HMGCLL1: variants seen among roughly 807,000 people sequenced by gnomAD.
HMGCLL1 encodes the protein 3-hydroxymethyl-3-methylglutaryl-CoA lyase, cytoplasmic.
A neutral mutation model predicts 39.1 loss-of-function variants in HMGCLL1; 36 were observed. The ratio of observed to expected loss-of-function variants is 0.92; its 90% CI spans 0.71 to 1.22. The LOEUF is 1.22. HMGCLL1 is among the 50% of genes most tolerant of loss of function. HMGCLL1 has a pLI of 0.00. For missense variants in HMGCLL1, 451 were observed against 416.5 expected (o/e 1.08, Z -0.72); for synonymous variants, 149 against 144.0 (o/e 1.03, Z -0.25).
At chr6:55,493,566 GT>G (rs1472628085) in intron 7 of HMGCLL1, among the ~76,000 whole-genome samples, 1 of 152,066 alleles carries the variant, frequency 6.6e-6, no homozygotes. Flanking sequence ...GAATACATTA[GT>G]CTTCTTTTAA....
chr6:55,495,491 T>C lies in HMGCLL1; in HGVS notation c.723A>G (p.Pro241=). The stretch of plus-strand genomic sequence containing the variant: ...GACAGTGAACAGCAAGAGCACCTGG[T>C]GGGATTTCTTTCATCACACTTTCCA... The part of the protein sequence containing the change: ...RMLESVMKEI[P]PGALAVHCHD... Residue 241 remains proline (P), a synonymous_variant, in exon 7 of 9, where the codon CCA becomes CCG. Transcript: ENST00000274901. 6.2e-7 allele frequency: 1 copy of C among 1,614,054 alleles called. No homozygotes were observed. The highest frequency in any genetic ancestry group is 8.5e-7 in the Non-Finnish European group (1 of 1,179,958).
At chr6:55,550,078 T>C (rs1770239900) in intron 1 of HMGCLL1, among the ~76,000 whole-genome samples, 1 of 152,038 alleles carries the variant, frequency 6.6e-6, no homozygotes, top group Admixed American at 6.6e-5. Context: ...TGGTCCCTTA[T>C]ACTTCTTGAT....
chr6:55,571,248 T>C (rs911431715), intron 1 of HMGCLL1, among the ~76,000 whole-genome samples: 1 of 152,222 alleles, frequency 6.6e-6, no homozygotes, highest in Non-Finnish European at 1.5e-5. Context: ...CCTCATCTGT[T>C]AGATGCTTTA....
At chr6:55,513,901 TA>T (rs1767595491) in intron 5 of HMGCLL1, 146 bp downstream of exon 5, 1 of 663,868 alleles carries the variant, frequency 1.5e-6, no homozygotes. Flanking sequence ...GAGATGTAAC[TA>T]TATAGTGATT....
chr6:55,523,496 C>T (rs937148240), intron 3 of HMGCLL1, among the ~76,000 whole-genome samples: 1 of 151,852 alleles, frequency 6.6e-6, no homozygotes, highest in Non-Finnish European at 1.5e-5. Context: ...TAACACATGG[C>T]GATTGGAATA....
At chr6:55,479,254 G>A (rs1200089055) in intron 7 of HMGCLL1, among the ~76,000 whole-genome samples, 1 of 151,450 alleles carries the variant, frequency 6.6e-6, no homozygotes, top group Non-Finnish European at 1.5e-5. Flanking sequence ...TTAACTGTCA[G>A]GCAGTCTAGT....
At chr6:55,646,891 C>A in the HMGCLL1 span, among the ~76,000 whole-genome samples, 1 of 151,898 alleles carries the variant, frequency 6.6e-6, no homozygotes, top group African/African-American at 2.4e-5. Flanking sequence ...TGATAATATT[C>A]ATTAGTTCCA....
At chr6:55,668,474 C>T in the HMGCLL1 span, among the ~76,000 whole-genome samples, 321 of 151,970 alleles carry the variant, frequency 2.1e-3, 1 homozygote, top group African/African-American at 7.3e-3. Flanking sequence ...GTAAACACAT[C>T]ACATCCCATC....
intron 5 of HMGCLL1, among the ~76,000 whole-genome samples, chr6:55,511,315 G>A (rs1213216225): frequency 6.6e-6 from 1 of 151,962 alleles, no homozygotes; most frequent in African/African-American, 2.4e-5. Context: ...CACTGATTTG[G>A]CATGGTATCT....
At chr6:55,453,773 ATTG>A (rs1764204923) in intron 7 of HMGCLL1, among the ~76,000 whole-genome samples, 1 of 152,214 alleles carries the variant, frequency 6.6e-6, no homozygotes, top group South Asian at 2.1e-4. Context: ...AAGGAAAAAG[ATTG>A]TTGTTAAGGA....
the HMGCLL1 span, among the ~76,000 whole-genome samples, chr6:55,586,979 C>A: frequency 6.6e-6 from 1 of 152,180 alleles, no homozygotes; most frequent in East Asian, 1.9e-4. Flanking sequence ...ACACTGACTT[C>A]CACAATCATT....
At chr6:55,510,337 C>A (rs1335233141) in intron 5 of HMGCLL1, among the ~76,000 whole-genome samples, 4 of 151,738 alleles carry the variant, frequency 2.6e-5, no homozygotes, top group African/African-American at 4.8e-5. Context: ...AAGACACATG[C>A]ACACGTATGT....
At chr6:55,537,621 G>A (rs143782920) in intron 3 of HMGCLL1, among the ~76,000 whole-genome samples, 1 of 152,222 alleles carries the variant, frequency 6.6e-6, no homozygotes, top group Non-Finnish European at 1.5e-5. Flanking sequence ...TTTGGACTGT[G>A]GGCATTCACA....
intron 7 of HMGCLL1, among the ~76,000 whole-genome samples, chr6:55,481,234 C>G (rs1368999647): frequency 6.6e-6 from 1 of 151,722 alleles, no homozygotes; most frequent in Non-Finnish European, 1.5e-5. Flanking sequence ...CAAAAATTAT[C>G]TAGGTATGGT....
At chr6:55,450,762 A>T (rs987877639) in intron 7 of HMGCLL1, among the ~76,000 whole-genome samples, 1 of 152,210 alleles carries the variant, frequency 6.6e-6, no homozygotes, top group African/African-American at 2.4e-5. Context: ...ATTAACAAAG[A>T]AAAAATCTTA....
the HMGCLL1 span, among the ~76,000 whole-genome samples, chr6:55,674,616 T>A: frequency 2.0e-5 from 3 of 152,194 alleles, no homozygotes; most frequent in East Asian, 5.8e-4. Flanking sequence ...TTGCTGAAAT[T>A]TCTGTCTTTA....
chr6:55,599,447 G>C, the HMGCLL1 span, among the ~76,000 whole-genome samples: 6 of 152,098 alleles, frequency 3.9e-5, no homozygotes, highest in Non-Finnish European at 8.8e-5. Flanking sequence ...AAGAAGATAA[G>C]TTGGAAGAAG....
intron 7 of HMGCLL1, among the ~76,000 whole-genome samples, chr6:55,442,252 A>G (rs9370423): frequency 0.24 from 36,032 of 151,636 alleles, 5,098 homozygotes; most frequent in African/African-American, 0.4. Context: ...AAGAATGGGG[A>G]GTATCTACAC....
Position 55,463,180 on chromosome 6 carries a change from C to T in HMGCLL1, c.796-23621G>A, listed in dbSNP as rs190600900. Reference sequence around the variant, plus strand: ...CGAGTAGCTGGACTACAGGCACATGCCACCATGCCTGGCTAATTTTTTTCT... The same window carrying T: ...CGAGTAGCTGGACTACAGGCACATGTCACCATGCCTGGCTAATTTTTTTCT... On this transcript the variant is annotated intron_variant, in intron 7 of 8. Coordinates refer to ENST00000274901, the MANE Select transcript of HMGCLL1 (RefSeq NM_001042406.2). Among the ~76,000 whole-genome samples the T allele has an allele frequency of 5.9e-3, 891 of 151,970 alleles. 36 individuals are homozygous for T. Among genetic ancestry groups the T allele is most frequent in the Admixed American group, 0.055 (846 of 15,260 alleles).
Sources: allele counts gnomAD v4.1 joint callset (sites outside exome capture counted in the v4.1 genomes callset), GRCh38; gene constraint gnomAD v4.1.1; transcripts MANE v1.5; gene names NCBI Gene and HGNC (gene_info 2026-07-23, HGNC 2026-07-21).